The following ZNF680 variants were observed in gnomAD, a reference collection of about 807,000 sequenced individuals.
ZNF680 encodes the protein zinc finger protein 680, also known as hypothetical protein FLJ90430.
In ZNF680, 6 loss-of-function variants were observed where a neutral mutation model predicts 12.1. The observed-to-expected ratio is 0.49, with a 90% CI of 0.27 to 0.98. The LOEUF (loss-of-function observed/expected upper bound fraction) is 0.98. Ranked by LOEUF, ZNF680 falls within the 50% of genes least tolerant of loss-of-function variation. The pLI, the probability that ZNF680 is intolerant of heterozygous loss-of-function variation, is 0.12. For missense variants in ZNF680, 561 were observed against 616.3 expected (o/e 0.91, Z 0.95); for synonymous variants, 170 against 199.3 (o/e 0.85, Z 1.24).
At chr7:64,502,012 TTTTTTTTC>T in the ZNF680 span, among the ~76,000 whole-genome samples, 10 of 113,976 alleles carry the variant, frequency 8.8e-5, no homozygotes, top group East Asian at 2.8e-4. Context: ...TTTTTTTTTT[TTTTTTTTC>T]CTGAGATGGA....
chr7:64,554,546 T>C (rs1256405115), intron 1 of ZNF680, among the ~76,000 whole-genome samples: 3 of 152,170 alleles, frequency 2.0e-5, no homozygotes, highest in Non-Finnish European at 4.4e-5. Context: ...TTTTGTCGAA[T>C]AGAAAAGGGG....
intron 3 of ZNF680, among the ~76,000 whole-genome samples, chr7:64,542,529 T>C (rs965047218): frequency 1.3e-5 from 2 of 152,088 alleles, no homozygotes; most frequent in Admixed American, 1.3e-4. Context: ...ATTAGCAAAA[T>C]ATAAAATTAA....
chr7:64,499,954 A>G, the ZNF680 span, among the ~76,000 whole-genome samples: 1 of 152,322 alleles, frequency 6.6e-6, no homozygotes, highest in African/African-American at 2.4e-5. Flanking sequence ...AGAAAGATGT[A>G]TGGGAACAGA....
chr7:64,558,893 G>C (rs956659838), intron 1 of ZNF680, among the ~76,000 whole-genome samples: 1 of 150,396 alleles, frequency 6.6e-6, no homozygotes, highest in Non-Finnish European at 1.5e-5. Flanking sequence ...TTTTTCCAAA[G>C]AATGTTTTGG....
chr7:64,549,095 G>A (rs7806747), intron 1 of ZNF680, among the ~76,000 whole-genome samples: 33,870 of 150,772 alleles, frequency 0.22, 3,984 homozygotes, highest in South Asian at 0.28. Flanking sequence ...ACTCCAGCCT[G>A]GGCAATAGGG....
chr7:64,507,578 C>T, the ZNF680 span, among the ~76,000 whole-genome samples: 5 of 151,224 alleles, frequency 3.3e-5, no homozygotes, highest in Admixed American at 6.6e-5. Flanking sequence ...AATGGCTCAC[C>T]GCAACCTCTG....
At chr7:64,526,566 A>C (rs899197363) in intron 3 of ZNF680, 1 of 420,668 alleles carries the variant, frequency 2.4e-6, no homozygotes, top group African/African-American at 2.0e-5. Flanking sequence ...TATTTAAAAA[A>C]AAAAAATGAT....
At chr7:64,535,004 G>A (rs563220018) in intron 3 of ZNF680, among the ~76,000 whole-genome samples, 25 of 151,130 alleles carry the variant, frequency 1.7e-4, no homozygotes, top group Non-Finnish European at 1.6e-4. Context: ...GGGGACTTGG[G>A]GGGGCTTGGG....
At chr7:64,525,454 T>A (rs1014716353) in intron 3 of ZNF680, 2 of 152,078 alleles carry the variant, frequency 1.3e-5, no homozygotes, top group Non-Finnish European at 2.9e-5. Context: ...AATGAGCCAG[T>A]CACAAAAAGA....
intron 3 of ZNF680, among the ~76,000 whole-genome samples, chr7:64,535,840 A>C (rs1335497676): frequency 6.6e-6 from 1 of 152,076 alleles, no homozygotes; most frequent in Non-Finnish European, 1.5e-5. Context: ...GCTACTCGAG[A>C]GGCTGAGGCA....
intron 3 of ZNF680, chr7:64,525,815 T>C (rs1350385891): frequency 2.0e-6 from 2 of 983,900 alleles, no homozygotes; most frequent in Non-Finnish European, 2.4e-6. Flanking sequence ...ATTAGGAGAA[T>C]TTCTATGACT....
At position 64,545,963 on chromosome 7, in the gene ZNF680, CATA is replaced by C. The variant is rs573873668; in HGVS notation, c.31-1534_31-1532del. 1.2e-4 allele frequency among the ~76,000 whole-genome samples: 18 copies of C among 152,220 alleles called. No individual in the cohort carries two copies. The East Asian group carries it at 1.5e-3, about 13-fold the overall frequency. ...TTTTTAATATTGCAGATTCTAAATT[CATA>C]ATGAGAATTCTGCATGGCACATAAG... On this transcript the variant is annotated intron_variant, in intron 1 of 3. Transcript: ENST00000309683.
the ZNF680 span, among the ~76,000 whole-genome samples, chr7:64,513,904 A>G: frequency 0.3 from 46,236 of 152,028 alleles, 7,790 homozygotes; most frequent in African/African-American, 0.43. Flanking sequence ...TAGGCCTCCC[A>G]AAGTGCTGGG....
chr7:64,499,158 A>G, the ZNF680 span, among the ~76,000 whole-genome samples: 2 of 152,310 alleles, frequency 1.3e-5, no homozygotes, highest in South Asian at 4.1e-4. Flanking sequence ...CTAAACTATA[A>G]TAAAGGATCT....
At chr7:64,500,977 C>A in the ZNF680 span, 1 of 666,892 alleles carries the variant, frequency 1.5e-6, no homozygotes, top group Non-Finnish European at 2.8e-6. Context: ...TTCATAAGGG[C>A]TTTGCCTTTG....
At chr7:64,515,638 C>T (rs551075678), downstream of ZNF680, among the ~76,000 whole-genome samples, 81 of 152,162 alleles carry the variant, frequency 5.3e-4, no homozygotes, top group African/African-American at 1.5e-3. Context: ...AAAACATGCC[C>T]ACAACTGCAC....
chr7:64,550,363 G>T (rs1008007451), intron 1 of ZNF680, among the ~76,000 whole-genome samples: 8 of 152,110 alleles, frequency 5.3e-5, no homozygotes, highest in Non-Finnish European at 8.8e-5. Flanking sequence ...CATAACTGTG[G>T]TCTCATTTTA....
At chr7:64,542,748 G>C (rs1374011977) in intron 3 of ZNF680, among the ~76,000 whole-genome samples, 2 of 152,158 alleles carry the variant, frequency 1.3e-5, no homozygotes, top group African/African-American at 4.8e-5. Context: ...ACACAGGCTG[G>C]AGTGCAGTGG....
chr7:64,535,562 T>C (rs1786120661), intron 3 of ZNF680, among the ~76,000 whole-genome samples: 1 of 152,000 alleles, frequency 6.6e-6, no homozygotes, highest in African/African-American at 2.4e-5. Flanking sequence ...AGGCTGAAAG[T>C]AACAAAATGA....
Sources: allele counts gnomAD v4.1 joint callset (sites outside exome capture counted in the v4.1 genomes callset), GRCh38; gene constraint gnomAD v4.1.1; transcripts MANE v1.5; gene names NCBI Gene and HGNC (gene_info 2026-07-23, HGNC 2026-07-21).